Variants in ZMIZ1 observed in about 807,000 individuals in gnomAD.
The protein encoded by ZMIZ1 is zinc finger MIZ domain-containing protein 1.
A neutral mutation model predicts 113.9 loss-of-function variants in ZMIZ1; 17 were observed. The ratio of observed to expected loss-of-function variants is 0.15; its 90% CI spans 0.10 to 0.22. The LOEUF (loss-of-function observed/expected upper bound fraction) is 0.22. ZMIZ1 is among the 10% of genes least tolerant of loss of function. The pLI is 1.00. For missense variants in ZMIZ1, 1,059 were observed against 1,477.8 expected (o/e 0.72, Z 4.65); for synonymous variants, 607 against 603.1 (o/e 1.01, Z -0.09).
At chr10:79,218,983 G>A (rs1848853481) in intron 7 of ZMIZ1, among the ~76,000 whole-genome samples, 1 of 151,954 alleles carries the variant, frequency 6.6e-6, no homozygotes, top group Admixed American at 6.6e-5. Context: ...ATGGGAACAT[G>A]GCTAAATGCT....
At position 79,239,290 on chromosome 10, in the gene ZMIZ1, C is replaced by T. The variant is rs138080465; in HGVS notation, c.280+23016C>T. Reference sequence around the variant, plus strand: ...TGATAGCTGCTCCATGCCAGGTCCCCGGTATGTGTGCATCCATTTGTTGAA... The same window carrying T: ...TGATAGCTGCTCCATGCCAGGTCCCTGGTATGTGTGCATCCATTTGTTGAA... On this transcript the variant is annotated intron_variant, in intron 7 of 24. Transcript: ENST00000334512. 5.6e-4 allele frequency among the ~76,000 whole-genome samples: 86 copies of T among 152,260 alleles called. No individual in the cohort carries two copies. In the East Asian group the frequency reaches 0.012, roughly 21 times the overall value.
At chr10:79,305,860 G>A (rs568653241) in intron 21 of ZMIZ1, among the ~76,000 whole-genome samples, 5 of 152,266 alleles carry the variant, frequency 3.3e-5, no homozygotes, top group Admixed American at 6.5e-5. Flanking sequence ...TGCTCCCCAC[G>A]AGGGAGCCCT....
intron 4 of ZMIZ1, among the ~76,000 whole-genome samples, chr10:79,169,463 A>T (rs1362803660): frequency 6.6e-6 from 1 of 152,248 alleles, no homozygotes; most frequent in African/African-American, 2.4e-5. Flanking sequence ...GAAATGCAAC[A>T]GACTTCCTTG....
In ZMIZ1 at chr10:79,283,613, G is replaced by A. The variant is rs1289628206; in HGVS notation, c.426-6162G>A. ...CTTCACCAAAGCTCAGTTTATGTTA[G>A]GGCTTTGTTGCCCCAAGAACATTTT... On this transcript the variant is annotated intron_variant, in intron 8 of 24. Transcript: ENST00000334512. Among the ~76,000 whole-genome samples, 4 of 152,116 alleles carry A rather than the reference G, an allele frequency of 2.6e-5. No individual in the cohort carries two copies. In the East Asian group the frequency reaches 7.7e-4, roughly 29 times the overall value.
chr10:79,200,702 T>C (rs1206733693), intron 4 of ZMIZ1, among the ~76,000 whole-genome samples: 2 of 152,186 alleles, frequency 1.3e-5, no homozygotes, highest in Non-Finnish European at 2.9e-5. Context: ...GGTGTGGTGC[T>C]CATTCTTATC....
intron 7 of ZMIZ1, among the ~76,000 whole-genome samples, chr10:79,221,796 C>A (rs1290579840): frequency 1.3e-5 from 2 of 152,190 alleles, no homozygotes; most frequent in African/African-American, 4.8e-5. Flanking sequence ...ATGCTGGAGC[C>A]CAGGGCCCAG....
At chr10:79,171,592 A>G (rs1846606176) in intron 4 of ZMIZ1, among the ~76,000 whole-genome samples, 1 of 152,254 alleles carries the variant, frequency 6.6e-6, no homozygotes, top group Admixed American at 6.5e-5. Context: ...TGCCAGCCAC[A>G]GGGGAGCTCA....
Position 79,298,595 on chromosome 10 carries a change from T to C in ZMIZ1, c.1666+15T>C. ...ACCACCCCCAGGTGAGGGCCCTCCCTCCCTCTCTTGGCAGCTCCACCTGGG... is the reference window on the plus strand; with the variant it reads ...ACCACCCCCAGGTGAGGGCCCTCCCCCCCTCTCTTGGCAGCTCCACCTGGG... On this transcript the variant is annotated intron_variant, in intron 15 of 24. Coordinates refer to ENST00000334512, the MANE Select transcript of ZMIZ1 (RefSeq NM_020338.4). 1 of 1,586,806 alleles carries C rather than the reference T, an allele frequency of 6.3e-7. No homozygotes were observed. Among genetic ancestry groups the C allele is most frequent in the Non-Finnish European group, 8.5e-7 (1 of 1,170,452 alleles).
At chr10:79,197,997 C>T (rs898598059) in intron 4 of ZMIZ1, among the ~76,000 whole-genome samples, 2 of 152,162 alleles carry the variant, frequency 1.3e-5, no homozygotes, top group Non-Finnish European at 2.9e-5. Flanking sequence ...TGGTGGCTCA[C>T]GCCTGTAATC....
At position 79,307,510 on chromosome 10, in the gene ZMIZ1, C is replaced by T. The variant is rs1026625627; in HGVS notation, c.2774C>T (p.Pro925Leu). 7.4e-6 allele frequency: 12 copies of T among 1,612,348 alleles called. No homozygotes were observed. The East Asian group carries it at 8.9e-5, about 12-fold the overall frequency. The change falls in exon 23 of 25, where the codon CCG (proline) becomes CTG (leucine). Residue 925 changes from proline to leucine, a missense_variant. Around this residue, in one of 6 missense-constraint regions of ZMIZ1, gnomAD observed 225 missense variants for 276.0 expected, o/e 0.82. Coordinates refer to ENST00000334512, the MANE Select transcript of ZMIZ1 (RefSeq NM_020338.4). Reference sequence around the variant, plus strand: ...GGGCCCCCCCAGCTCTCCCACCCCCCGGACATGCCCAACAACATGGCCGCC... The same window carrying T: ...GGGCCCCCCCAGCTCTCCCACCCCCTGGACATGCCCAACAACATGGCCGCC... The part of the protein sequence containing the change: ...MHGPPQLSHP[P>L]DMPNNMAALE...
intron 1 of ZMIZ1, among the ~76,000 whole-genome samples, chr10:79,113,960 G>A (rs973638840): frequency 3.9e-5 from 6 of 152,192 alleles, no homozygotes; most frequent in South Asian, 2.1e-4. Context: ...TCCTGAAGGC[G>A]GTGCTGGAGT....
At chr10:79,265,792 C>G (rs1333771352) in intron 7 of ZMIZ1, among the ~76,000 whole-genome samples, 1 of 152,142 alleles carries the variant, frequency 6.6e-6, no homozygotes, top group Admixed American at 6.5e-5. Context: ...CAGGGTGCTC[C>G]CCACCCATCC....
At chr10:79,085,222 A>G (rs1356255670) in intron 1 of ZMIZ1, among the ~76,000 whole-genome samples, 1 of 151,914 alleles carries the variant, frequency 6.6e-6, no homozygotes. Flanking sequence ...CAAGCACAAA[A>G]CCACAGCCTG....
intron 4 of ZMIZ1, among the ~76,000 whole-genome samples, chr10:79,197,646 G>A (rs1352012934): frequency 8.1e-6 from 1 of 123,800 alleles, no homozygotes; most frequent in Non-Finnish European, 1.6e-5. Context: ...ACACACACCT[G>A]TACCCTGTCC....
chr10:79,235,859 T>C (rs1849568422), intron 7 of ZMIZ1, among the ~76,000 whole-genome samples: 1 of 152,196 alleles, frequency 6.6e-6, no homozygotes, highest in Admixed American at 6.5e-5. Context: ...TTGGCAGGAA[T>C]ACAGTGCCAG....
intron 4 of ZMIZ1, among the ~76,000 whole-genome samples, chr10:79,190,361 A>G (rs1252643599): frequency 6.6e-6 from 1 of 152,160 alleles, no homozygotes; most frequent in Non-Finnish European, 1.5e-5. Flanking sequence ...TCGGATCCAC[A>G]GTGGGGCCTT....
At chr10:79,208,512 C>T (rs1848421927) in intron 6 of ZMIZ1, 63 bp downstream of exon 6, 2 of 1,411,354 alleles carry the variant, frequency 1.4e-6, no homozygotes, top group Admixed American at 3.7e-5. Flanking sequence ...GCTAGCGTGC[C>T]TGTCCAGGTT....
intron 6 of ZMIZ1, among the ~76,000 whole-genome samples, chr10:79,211,679 A>G (rs1268537932): frequency 1.3e-5 from 2 of 152,158 alleles, no homozygotes; most frequent in Non-Finnish European, 2.9e-5. Flanking sequence ...TCTGCTTCAC[A>G]TCTTGAGACT....
At chr10:79,111,155 T>C (rs976905384) in intron 1 of ZMIZ1, among the ~76,000 whole-genome samples, 1 of 152,016 alleles carries the variant, frequency 6.6e-6, no homozygotes, top group African/African-American at 2.4e-5. Flanking sequence ...GCTGTTAGGG[T>C]CCAGTAGAGG....
Sources: allele counts gnomAD v4.1 joint callset (sites outside exome capture counted in the v4.1 genomes callset), GRCh38; gene constraint gnomAD v4.1.1; regional missense constraint gnomAD v4.1.1; transcripts MANE v1.5; gene names NCBI Gene and HGNC (gene_info 2026-07-23, HGNC 2026-07-21).